PRX: variants seen among roughly 807,000 people sequenced by gnomAD.
PRX encodes the protein periaxin.
PRX carries 24 observed loss-of-function variants against 29.6 expected under a neutral mutation model. The ratio of observed to expected loss-of-function variants is 0.81; its 90% CI spans 0.59 to 1.14. The LOEUF (loss-of-function observed/expected upper bound fraction) is 1.14, where lower values mean the gene tolerates loss of function less well. PRX is among the 50% of genes most tolerant of loss of function. PRX has a pLI of 0.00. For missense variants in PRX, 1,838 were observed against 1,926.4 expected, an observed-to-expected ratio of 0.95 and a Z score of 0.86; for synonymous variants, 772 against 831.7, an observed-to-expected ratio of 0.93 and a Z score of 1.24.
At chr19:40,405,119 T>C (rs1171725758) in intron 4 of PRX, among the ~76,000 whole-genome samples, 1 of 151,998 alleles carries the variant, frequency 6.6e-6, no homozygotes, top group Non-Finnish European at 1.5e-5. Flanking sequence ...GGGAATCCAG[T>C]GAAGGGGGTC....
At position 40,398,065 on chromosome 19, in the gene PRX, T is replaced by C; in HGVS notation, c.382-95A>G. On this transcript the variant is annotated intron_variant, in intron 6 of 6. Transcript: ENST00000324001. The surrounding 1 kb of genome is among the most constrained non-coding windows in gnomAD (Gnocchi z 6.3). ...ACCTGGTATTGGACCAGGCGGGGGA[T>C]GTGCTGGGTCAAGTATCTTGTTCCC... The C allele has an allele frequency of 6.8e-7, 1 of 1,480,886 alleles. No individual in the cohort carries two copies. Among genetic ancestry groups the C allele is most frequent in the Non-Finnish European group, 9.0e-7 (1 of 1,114,712 alleles). The allele number at this position is 1,480,886 out of a possible 1,614,324, so 91.7% of individuals were successfully genotyped here.
At chr19:40,399,863 CTT>C (rs1461164686) in intron 5 of PRX, among the ~76,000 whole-genome samples, 1 of 63,458 alleles carries the variant, frequency 1.6e-5, no homozygotes, top group Admixed American at 1.4e-4. Context: ...TTCTTTCTTT[CTT>C]TCTTTCTTTC....
At chr19:40,407,776 C>G (rs974576287) in intron 4 of PRX, 130 bp downstream of exon 4, 3 of 1,302,806 alleles carry the variant, frequency 2.3e-6, no homozygotes, top group Admixed American at 3.5e-5. Context: ...TAAAATAGAC[C>G]CTGTTATTAT....
chr19:40,412,315 T>C (rs1290309795), intron 1 of PRX, among the ~76,000 whole-genome samples: 2 of 152,150 alleles, frequency 1.3e-5, no homozygotes, highest in African/African-American at 4.8e-5. Context: ...GGTTAGTCCC[T>C]GCTCCAGCAC....
At chr19:40,411,341 G>A (rs544161191) in intron 1 of PRX, among the ~76,000 whole-genome samples, 5 of 152,242 alleles carry the variant, frequency 3.3e-5, no homozygotes, top group African/African-American at 4.8e-5. Flanking sequence ...TTAAGAGACC[G>A]GTGATCACAG....
rs762458974 is a variant in PRX, at chr19:40,403,905, G to A, written c.28-43C>T. 4.4e-6 allele frequency: 7 copies of A among 1,590,706 alleles called. No homozygotes were observed. In the East Asian group the frequency reaches 1.6e-4, roughly 36 times the overall value. On this transcript the variant is annotated intron_variant, in intron 4 of 6. Transcript: ENST00000324001. ...GTGTCGCGTTGGGGCTCTAGGGCCG[G>A]ACCTCGCCCAGAGCCCGCCATTGCG...
Position 40,396,902 on chromosome 19 carries a change from T to C in PRX, c.1450A>G (p.Met484Val), listed in dbSNP as rs1462275457. Residue 484 changes from methionine to valine, a missense_variant, in exon 7 of 7, where the codon ATG becomes GTG. Transcript: ENST00000324001. ...GGAAGCCGCACCTCCGGCACAGCCA[T>C]CTCTGGCACCTTTGGGAGTTTCATC... ...SEMKLPKVPE[M>V]AVPEVRLPEV... is the part of the protein sequence containing the mutation. 10 of 1,613,766 alleles carry C rather than the reference T, an allele frequency of 6.2e-6. No homozygotes were observed. Among genetic ancestry groups the C allele is most frequent in the African/African-American group, 1.3e-5 (1 of 74,834 alleles).
At chr19:40,409,390 G>A (rs1165424113) in intron 1 of PRX, among the ~76,000 whole-genome samples, 2 of 151,820 alleles carry the variant, frequency 1.3e-5, no homozygotes, top group African/African-American at 4.8e-5. Flanking sequence ...CTGTTCCGAG[G>A]CTCAAATGAG....
chr19:40,397,411 G>T lies in PRX; in HGVS notation c.941C>A (p.Thr314Asn). Residue 314 changes from threonine to asparagine, a missense_variant, in exon 7 of 7, where the codon ACC (threonine) becomes AAC (asparagine). Physicochemically the swap from Thr to Asn is moderately conservative, Grantham distance 65. Coordinates refer to ENST00000324001, the MANE Select transcript of PRX (RefSeq NM_181882.3). ...PTLPTLPCLE[T>N]REGAVSVVVP... ...CACTACCGACACAGCCCCTTCCCGG[G>T]TCTCTAGGCAGGGAAGTGTGGGCAG... 1 of 1,609,628 alleles carries T rather than the reference G, an allele frequency of 6.2e-7. No individual in the cohort carries two copies. The highest frequency in any genetic ancestry group is 1.1e-5 in the South Asian group (1 of 90,584).
rs878945265 is a variant in PRX, at chr19:40,396,864, C to T, written c.1488G>A (p.Leu496=). 1 of 1,610,418 alleles carries T rather than the reference C, an allele frequency of 6.2e-7. No homozygotes were observed. The highest frequency in any genetic ancestry group is 2.2e-5 in the East Asian group (1 of 44,800). The change falls in exon 7 of 7, where the codon CTG becomes CTA. Residue 496 remains leucine, a synonymous_variant. Coordinates refer to ENST00000324001, the MANE Select transcript of PRX (RefSeq NM_181882.3). The part of the protein sequence containing the change: ...VPEVRLPEVE[L]PKVSEMKLPK... ...GGAGTTTCATCTCTGACACTTTGGG[C>T]AGCTCTACCTCTGGAAGCCGCACCT...
intron 5 of PRX, among the ~76,000 whole-genome samples, chr19:40,399,905 TTTTC>T (rs796401501): frequency 0.017 from 1,231 of 73,888 alleles, 12 homozygotes; most frequent in South Asian, 0.058. Context: ...CTTTCTTTCT[TTTTC>T]TTTCTTTCTT....
Position 40,396,611 on chromosome 19 carries a change from T to A in PRX, c.1741A>T (p.Lys581Ter), listed in dbSNP as rs1454841298. 2 of 1,613,704 alleles carry A rather than the reference T, an allele frequency of 1.2e-6. No homozygotes were observed. Among genetic ancestry groups the A allele is most frequent in the Non-Finnish European group, 1.7e-6 (2 of 1,179,956 alleles). ...EVQLPKVPEM[K>*]VPEMKLPKVP... The stretch of plus-strand genomic sequence containing the variant: ...TTTGGAAGCTTCATCTCAGGGACTT[T>A]CATCTCTGGCACTTTCGGCAGCTGC... The change falls in exon 7 of 7, where the codon AAA (lysine) becomes TAA (stop). Residue 581 changes from lysine to a stop codon, truncating the protein, a stop_gained. Transcript: ENST00000324001. LOFTEE classifies it low-confidence loss of function (END_TRUNC).
At position 40,401,824 on chromosome 19, in the gene PRX, G is replaced by A. The variant is rs899959174; in HGVS notation, c.184+1882C>T. ...GCTCTTTCGCCCAGGCTGGAGTGAAGTGGCGCGAACTCGGCTTACTGCAAC... is the reference window on the plus strand; with the variant it reads ...GCTCTTTCGCCCAGGCTGGAGTGAAATGGCGCGAACTCGGCTTACTGCAAC... On this transcript the variant is annotated intron_variant, in intron 5 of 6. Coordinates refer to ENST00000324001, the MANE Select transcript of PRX (RefSeq NM_181882.3). 6.7e-5 allele frequency among the ~76,000 whole-genome samples: 10 copies of A among 149,982 alleles called. No homozygotes were observed. In the South Asian group the frequency reaches 2.1e-3, roughly 31 times the overall value.
Position 40,396,859 on chromosome 19 carries a change from T to G in PRX, c.1493A>C (p.Lys498Thr), listed in dbSNP as rs369669118. 3.1e-6 allele frequency: 5 copies of G among 1,611,200 alleles called. No individual in the cohort carries two copies. In the African/African-American group the frequency reaches 6.7e-5, roughly 22 times the overall value. ...EVRLPEVELPKVSEMKLPKVP... is the reference protein window; with the variant it reads ...EVRLPEVELPTVSEMKLPKVP... ...CTTTGGGAGTTTCATCTCTGACACTTTGGGCAGCTCTACCTCTGGAAGCCG... is the reference window on the plus strand; with the variant it reads ...CTTTGGGAGTTTCATCTCTGACACTGTGGGCAGCTCTACCTCTGGAAGCCG... The change falls in exon 7 of 7, where the codon AAA (lysine) becomes ACA (threonine). Residue 498 changes from lysine (K) to threonine (T), a missense_variant. Lys to Thr is a moderately conservative substitution (Grantham distance 78). Around this residue, in one of 3 missense-constraint regions of PRX, gnomAD observed 29 missense variants for 68.4 expected, o/e 0.42. Coordinates refer to ENST00000324001, the MANE Select transcript of PRX (RefSeq NM_181882.3).
chr19:40,407,526 C>A (rs925060472), intron 4 of PRX: 1 of 359,652 alleles, frequency 2.8e-6, no homozygotes, highest in Non-Finnish European at 5.3e-6. Flanking sequence ...GTCTCAAACT[C>A]CTAGGCTTTA....
chr19:40,402,926 T>C (rs2079506434), intron 5 of PRX, among the ~76,000 whole-genome samples: 1 of 152,074 alleles, frequency 6.6e-6, no homozygotes, highest in African/African-American at 2.4e-5. Flanking sequence ...TCCCAGCACT[T>C]TGGGAGACTG....
At chr19:40,399,842 C>G (rs549011730) in intron 5 of PRX, among the ~76,000 whole-genome samples, 1 of 136,046 alleles carries the variant, frequency 7.4e-6, no homozygotes, top group South Asian at 2.2e-4. Context: ...CTACACCCAG[C>G]TTTCTTTCCT....
chr19:40,399,183 C>T (rs1196508576), intron 5 of PRX, among the ~76,000 whole-genome samples: 1 of 152,104 alleles, frequency 6.6e-6, no homozygotes, highest in African/African-American at 2.4e-5. Context: ...ACTCCATTCG[C>T]CTTCCTGTTC....
At chr19:40,406,771 C>CTTTTTT (rs59493934) in intron 4 of PRX, among the ~76,000 whole-genome samples, 1 of 121,358 alleles carries the variant, frequency 8.2e-6, no homozygotes. Context: ...ACCTCCATTT[C>CTTTTTT]TTTTTTTTTT....
Sources: allele counts gnomAD v4.1 joint callset (sites outside exome capture counted in the v4.1 genomes callset), GRCh38; gene constraint gnomAD v4.1.1; regional missense constraint gnomAD v4.1.1; non-coding constraint Gnocchi (gnomAD v3.1); transcripts MANE v1.5; gene names NCBI Gene and HGNC (gene_info 2026-07-23, HGNC 2026-07-21).